The following ST6GALNAC3 variants were observed in gnomAD, a reference collection of about 807,000 sequenced individuals.
The protein encoded by ST6GALNAC3 is alpha-N-acetylgalactosaminide alpha-2,6-sialyltransferase 3.
In ST6GALNAC3, 25 loss-of-function variants were observed where a neutral mutation model predicts 32.7. The ratio of observed to expected loss-of-function variants is 0.76; its 90% CI spans 0.56 to 1.07. The LOEUF is 1.07. ST6GALNAC3 is among the 50% of genes least tolerant of loss of function. ST6GALNAC3 has a pLI of 0.00. For synonymous variants in ST6GALNAC3, 129 were observed against 133.1 expected (o/e 0.97, Z 0.21); for missense variants, 355 against 382.4 (o/e 0.93, Z 0.60).
chr1:76,497,418 C>G (rs1660921044), intron 3 of ST6GALNAC3, among the ~76,000 whole-genome samples: 1 of 152,014 alleles, frequency 6.6e-6, no homozygotes, highest in Non-Finnish European at 1.5e-5. Flanking sequence ...TTATTGAGCT[C>G]AAGTGGAAAG....
intron 2 of ST6GALNAC3, among the ~76,000 whole-genome samples, chr1:76,404,625 A>G (rs1471357242): frequency 6.6e-6 from 1 of 152,140 alleles, no homozygotes; most frequent in Non-Finnish European, 1.5e-5. Context: ...TAGAACTCTA[A>G]AGACATTCAG....
intron 3 of ST6GALNAC3, among the ~76,000 whole-genome samples, chr1:76,504,056 T>G (rs927254989): frequency 6.6e-6 from 1 of 152,122 alleles, no homozygotes; most frequent in Non-Finnish European, 1.5e-5. Flanking sequence ...CCATAGAAAA[T>G]TCGGTGGCTT....
At chr1:76,306,062 A>G (rs1661033055) in intron 1 of ST6GALNAC3, 1 of 341,568 alleles carries the variant, frequency 2.9e-6, no homozygotes, top group Non-Finnish European at 5.9e-6. Context: ...TAACCAAAAT[A>G]CCTAATTCAT....
At chr1:76,386,623 T>G (rs937294809) in intron 2 of ST6GALNAC3, among the ~76,000 whole-genome samples, 2 of 152,090 alleles carry the variant, frequency 1.3e-5, no homozygotes, top group African/African-American at 4.8e-5. Flanking sequence ...GATAATAACA[T>G]AGAGAGATAA....
chr1:76,459,657 G>C (rs1406414008), intron 3 of ST6GALNAC3, among the ~76,000 whole-genome samples: 1 of 152,058 alleles, frequency 6.6e-6, no homozygotes. Flanking sequence ...TTGTTGTACA[G>C]AACAGTGAAA....
rs765404070 is a variant in ST6GALNAC3 at position 76,628,596 on chromosome 1, CTTTTCTTTTT to C, written c.732-14_732-5del. 2 of 1,557,300 alleles carry C rather than the reference CTTTTCTTTTT, an allele frequency of 1.3e-6. No individual in the cohort carries two copies. The highest frequency in any genetic ancestry group is 1.7e-6 in the Non-Finnish European group (2 of 1,160,498). On this transcript the variant is annotated splice_polypyrimidine_tract_variant and intron_variant, in intron 4 of 4. Transcript: ENST00000328299. ...CATTCTTCATCTCAATCTTTCTCTC[CTTTTCTTTTT>C]TTTTCTTTTCTAGGACAGAAGGGTA...
At chr1:76,474,157 C>A (rs1659205580) in intron 3 of ST6GALNAC3, among the ~76,000 whole-genome samples, 1 of 152,156 alleles carries the variant, frequency 6.6e-6, no homozygotes, top group Non-Finnish European at 1.5e-5. Flanking sequence ...GCCATAGAGC[C>A]TCCCCACAAT....
At position 76,213,245 on chromosome 1, in the gene ST6GALNAC3, C is replaced by T. The variant is rs575918403; in HGVS notation, c.19-100560C>T. Among the ~76,000 whole-genome samples the T allele has an allele frequency of 8.9e-4, 135 of 152,264 alleles. 2 individuals are homozygous for T. Among genetic ancestry groups the T allele is most frequent in the Admixed American group, 2.0e-3 (30 of 15,296 alleles). On this transcript the variant is annotated intron_variant, in intron 1 of 4. Coordinates refer to ENST00000328299, the MANE Select transcript of ST6GALNAC3 (RefSeq NM_152996.4). ...ACTTCAAAACCTAAAAATCCTCCTG[C>T]ATGATCCTCTGCATTTTCTGACTTC...
At chr1:76,169,116 C>A (rs1652312198) in intron 1 of ST6GALNAC3, among the ~76,000 whole-genome samples, 2 of 152,094 alleles carry the variant, frequency 1.3e-5, no homozygotes, top group Admixed American at 1.3e-4. Context: ...TTTAGCGTTT[C>A]CTTCATGAGC....
chr1:76,488,644 G>A (rs1272313875), intron 3 of ST6GALNAC3, among the ~76,000 whole-genome samples: 1 of 152,090 alleles, frequency 6.6e-6, no homozygotes, highest in Non-Finnish European at 1.5e-5. Context: ...AATAATTTAT[G>A]GGGCATACTG....
At chr1:76,513,041 C>T (rs547165896) in intron 3 of ST6GALNAC3, among the ~76,000 whole-genome samples, 2 of 151,816 alleles carry the variant, frequency 1.3e-5, no homozygotes, top group South Asian at 4.2e-4. Context: ...AACTCCTTGT[C>T]GAATGTATAG....
chr1:76,299,934 A>G (rs942532590), intron 1 of ST6GALNAC3, among the ~76,000 whole-genome samples: 1 of 152,002 alleles, frequency 6.6e-6, no homozygotes, highest in East Asian at 1.9e-4. Flanking sequence ...CTGATAAGAT[A>G]CCAGGTTTCA....
chr1:76,258,401 A>T (rs995845633), intron 1 of ST6GALNAC3, among the ~76,000 whole-genome samples: 1 of 152,192 alleles, frequency 6.6e-6, no homozygotes, highest in African/African-American at 2.4e-5. Flanking sequence ...GCTTCTTCAG[A>T]TCTTTGCTTC....
chr1:76,387,272 A>C (rs987423652), intron 2 of ST6GALNAC3, among the ~76,000 whole-genome samples: 1 of 152,162 alleles, frequency 6.6e-6, no homozygotes, highest in African/African-American at 2.4e-5. Context: ...AAGCTCCCTG[A>C]GGACAGGGAC....
At chr1:76,362,306 T>C (rs1452427982) in intron 2 of ST6GALNAC3, among the ~76,000 whole-genome samples, 1 of 152,062 alleles carries the variant, frequency 6.6e-6, no homozygotes, top group East Asian at 1.9e-4. Flanking sequence ...GCTCCCATGG[T>C]GCAATTACCT....
chr1:76,305,232 G>A lies in ST6GALNAC3; in HGVS notation c.19-8573G>A, dbSNP rs1451390928. ...AGGGCAGCCTTAGGCAGCATAGTGG[G>A]TGCTAGAATCATTGGTACCATCAAG... On this transcript the variant is annotated intron_variant, in intron 1 of 4. Coordinates refer to ENST00000328299, the MANE Select transcript of ST6GALNAC3 (RefSeq NM_152996.4). Among the ~76,000 whole-genome samples the A allele has an allele frequency of 1.3e-5, 2 of 152,074 alleles. 1 individual carries two copies.
At chr1:76,158,605 C>T (rs941765310) in intron 1 of ST6GALNAC3, among the ~76,000 whole-genome samples, 4 of 152,078 alleles carry the variant, frequency 2.6e-5, no homozygotes, top group African/African-American at 9.7e-5. Flanking sequence ...AAAATTTAAG[C>T]GAGGTAAAAT....
intron 1 of ST6GALNAC3, among the ~76,000 whole-genome samples, chr1:76,220,583 C>A (rs111444537): frequency 3.3e-5 from 5 of 152,158 alleles, no homozygotes; most frequent in African/African-American, 1.2e-4. Flanking sequence ...ATTTAGAGGA[C>A]AGTGTTTTGA....
intron 1 of ST6GALNAC3, among the ~76,000 whole-genome samples, chr1:76,092,972 A>C (rs577202788): frequency 6.6e-6 from 1 of 152,302 alleles, no homozygotes; most frequent in Admixed American, 6.5e-5. Context: ...ACGTGTCTTT[A>C]GAGGCAGAGG....
Sources: allele counts gnomAD v4.1 joint callset (sites outside exome capture counted in the v4.1 genomes callset), GRCh38; gene constraint gnomAD v4.1.1; transcripts MANE v1.5; gene names NCBI Gene and HGNC (gene_info 2026-07-23, HGNC 2026-07-21).